The following ESR2 variants were observed in gnomAD, a reference collection of about 807,000 sequenced individuals.
ESR2 encodes estrogen receptor 2.
Under a neutral mutation model 49.6 loss-of-function variants are expected in ESR2, and 36 were observed. The observed-to-expected ratio is 0.73, with a 90% confidence interval of 0.56 to 0.96. The LOEUF is 0.96. Among genes scored for constraint, ESR2 ranks in the 40% least tolerant of loss-of-function variants. The pLI is 0.00. For missense variants in ESR2, 714 were observed against 693.0 expected (o/e 1.03, Z -0.34); for synonymous variants, 320 against 266.1 (o/e 1.20, Z -1.97).
At chr14:64,268,464 G>A (rs2076375647) in intron 4 of ESR2, among the ~76,000 whole-genome samples, 1 of 152,200 alleles carries the variant, frequency 6.6e-6, no homozygotes, top group African/African-American at 2.4e-5. Context: ...ATCACAGACA[G>A]ACGGCCACCC....
At chr14:64,290,496 A>G (rs1237507896) in intron 1 of ESR2, among the ~76,000 whole-genome samples, 1 of 152,110 alleles carries the variant, frequency 6.6e-6, no homozygotes, top group African/African-American at 2.4e-5. Flanking sequence ...TCGGCCTCCC[A>G]GGTTCAAGCA....
chr14:64,264,435 G>C (rs1314743872), intron 4 of ESR2, among the ~76,000 whole-genome samples: 2 of 151,586 alleles, frequency 1.3e-5, no homozygotes, highest in African/African-American at 2.4e-5. Flanking sequence ...TATACACCCA[G>C]GATAAAATGG....
chr14:64,310,286 A>AAAAAAAAAATAAAAAAAAAAAAT (rs1555595498), intron 1 of ESR2, among the ~76,000 whole-genome samples: 30 of 142,454 alleles, frequency 2.1e-4, no homozygotes, highest in African/African-American at 6.6e-4. Context: ...TCGTCTCAAA[A>AAAAAAAAAATAAAAAAAAAAAAT]AATAATAATA....
intron 1 of ESR2, chr14:64,301,482 G>A (rs2077020433): frequency 6.6e-6 from 1 of 152,252 alleles, no homozygotes; most frequent in Non-Finnish European, 1.5e-5. Flanking sequence ...CTTTAGCACT[G>A]TGGAAGCTTC....
chr14:64,323,666 C>G (rs2077352788), intron 1 of ESR2, among the ~76,000 whole-genome samples: 1 of 152,148 alleles, frequency 6.6e-6, no homozygotes, highest in African/African-American at 2.4e-5. Flanking sequence ...ATATGGTCTA[C>G]TGTTGACCTT....
chr14:64,227,500 A>G (rs543820675), downstream of ESR2: 768 of 1,609,644 alleles, frequency 4.8e-4, 14 homozygotes, highest in South Asian at 8.1e-3. Context: ...GTTACCCAAG[A>G]TTTTTCTTTA....
intron 1 of ESR2, among the ~76,000 whole-genome samples, chr14:64,284,573 C>T (rs2076751043): frequency 2.0e-5 from 3 of 152,024 alleles, no homozygotes; most frequent in Admixed American, 6.5e-5. Context: ...CTGCCTGTTT[C>T]GGCCTCCCAA....
At position 64,228,641 on chromosome 14, in the gene ESR2, C is replaced by A. The variant is rs2098724540; in HGVS notation, c.*4496G>T. 6.6e-6 allele frequency among the ~76,000 whole-genome samples: 1 copy of A among 152,204 alleles called. No individual in the cohort carries two copies. Among genetic ancestry groups the A allele is most frequent in the East Asian group, 1.9e-4 (1 of 5,204 alleles). Reference sequence around the variant, plus strand: ...ACAGTTAAGGCATTTAGACACCCAACAGAGGAAACAAATGCAAAAACATCC... The same window carrying A: ...ACAGTTAAGGCATTTAGACACCCAAAAGAGGAAACAAATGCAAAAACATCC... On this transcript the variant is annotated 3_prime_UTR_variant, in exon 9 of 9. Transcript: ENST00000341099.
At chr14:64,257,145 C>T in intron 6 of ESR2, 81 bp downstream of exon 6, 2 of 1,319,858 alleles carry the variant, frequency 1.5e-6, no homozygotes, top group South Asian at 1.3e-5. Flanking sequence ...ATTTTAATTG[C>T]AGCACCCAGG....
intron 7 of ESR2, among the ~76,000 whole-genome samples, chr14:64,244,501 G>A (rs79698176): frequency 1.2e-4 from 18 of 151,946 alleles, no homozygotes; most frequent in African/African-American, 3.6e-4. Flanking sequence ...CAGATAGAAC[G>A]AAATGGCAGA....
intron 1 of ESR2, among the ~76,000 whole-genome samples, chr14:64,317,383 CCA>C (rs2077268849): frequency 6.6e-6 from 1 of 152,230 alleles, no homozygotes; most frequent in Non-Finnish European, 1.5e-5. Context: ...TGCTCAGCTT[CCA>C]GTGAGGCCTC....
chr14:64,294,806 C>T (rs572540027), upstream of ESR2, among the ~76,000 whole-genome samples: 2 of 152,354 alleles, frequency 1.3e-5, no homozygotes, highest in East Asian at 3.9e-4. Flanking sequence ...GCAAACGTAA[C>T]CTCGGGCCCT....
Position 64,232,097 on chromosome 14 carries a change from T to C in ESR2, c.*1040A>G, listed in dbSNP as rs1414569771. On this transcript the variant is annotated 3_prime_UTR_variant, in exon 9 of 9. Transcript: ENST00000341099. ...TCAAGGGGCGTACTCATCAAGGCTA[T>C]ACAGTGTGGCCCCAGAGCTGACACA... 6.6e-6 allele frequency: 1 copy of C among 152,246 alleles called. No individual in the cohort carries two copies. Among genetic ancestry groups the C allele is most frequent in the Non-Finnish European group, 1.5e-5 (1 of 68,050 alleles). 9.4% of individuals were successfully genotyped at this position (152,246 alleles called of 1,614,324 possible). A position where few individuals can be genotyped will look rare whatever the true frequency, so the allele number is the denominator to read the frequency against.
At chr14:64,262,955 A>T (rs1321271287) in intron 4 of ESR2, among the ~76,000 whole-genome samples, 1 of 152,208 alleles carries the variant, frequency 6.6e-6, no homozygotes, top group Non-Finnish European at 1.5e-5. Context: ...CTTTTAAACT[A>T]GCAAAAGAAG....
chr14:64,287,921 A>G (rs916831991), intron 1 of ESR2, among the ~76,000 whole-genome samples: 4 of 152,228 alleles, frequency 2.6e-5, no homozygotes, highest in African/African-American at 7.2e-5. Flanking sequence ...TTGTCTCTAA[A>G]GAGTTTAATT....
In ESR2 at chr14:64,253,799, T is replaced by G. The variant is rs541096072; in HGVS notation, c.1091+3427A>C. 2.1e-3 allele frequency among the ~76,000 whole-genome samples: 327 copies of G among 152,236 alleles called. 1 individual carries two copies. The highest frequency in any genetic ancestry group is 7.7e-3 in the African/African-American group (321 of 41,538). The stretch of plus-strand genomic sequence containing the variant: ...AATGTGAATGTAAACTCAAGACATT[T>G]ATACATATACAATTCCACGGACCTA... On this transcript the variant is annotated intron_variant, in intron 6 of 8. Transcript: ENST00000341099.
intron 4 of ESR2, among the ~76,000 whole-genome samples, chr14:64,265,116 C>T (rs1014071190): frequency 6.6e-6 from 1 of 152,116 alleles, no homozygotes; most frequent in South Asian, 2.1e-4. Context: ...AAGCCCTTGA[C>T]AAGGAGCTCA....
At position 64,263,989 on chromosome 14, in the gene ESR2, T is replaced by C. The variant is rs564490330; in HGVS notation, c.653-3241A>G. ...CAAAAATATAACTTCCAAATCCCTATACATTTGAGCACCAACATCTTTATA... is the reference window on the plus strand; with the variant it reads ...CAAAAATATAACTTCCAAATCCCTACACATTTGAGCACCAACATCTTTATA... On this transcript the variant is annotated intron_variant, in intron 4 of 8. Coordinates refer to ENST00000341099, the MANE Select transcript of ESR2 (RefSeq NM_001437.3). Among the ~76,000 whole-genome samples the C allele has an allele frequency of 3.9e-5, 6 of 152,314 alleles. 1 individual carries two copies. The highest frequency in any genetic ancestry group is 9.6e-5 in the African/African-American group (4 of 41,588).
At chr14:64,294,535 A>G (rs2076928060), upstream of ESR2, 1 of 151,746 alleles carries the variant, frequency 6.6e-6, no homozygotes, top group African/African-American at 2.4e-5. Context: ...CTCCTGGTCC[A>G]CCCACAAGGA....
Sources: gnomAD v4.1 joint callset for allele counts (sites outside exome capture counted in the v4.1 genomes callset) on GRCh38, gnomAD v4.1.1 for gene constraint, MANE v1.5 for transcripts, NCBI Gene and HGNC (gene_info 2026-07-23, HGNC 2026-07-21) for gene names.